The following SMYD3 variants were observed in gnomAD, a reference collection of about 807,000 sequenced individuals.
SMYD3 encodes the protein histone-lysine N-methyltransferase SMYD3.
In SMYD3, 36 loss-of-function variants were observed where a neutral mutation model predicts 57.7. The observed-to-expected ratio is 0.62, with a 90% CI of 0.48 to 0.82. The LOEUF (loss-of-function observed/expected upper bound fraction) is 0.82. Ranked by LOEUF, SMYD3 falls within the 40% of genes least tolerant of loss-of-function variation. The pLI is 0.00. For missense variants in SMYD3, 515 were observed against 538.8 expected (o/e 0.96, Z 0.44); for synonymous variants, 211 against 195.0 (o/e 1.08, Z -0.68).
intron 5 of SMYD3, among the ~76,000 whole-genome samples, chr1:246,003,336 TGGAGC>T (rs1411635460): frequency 6.6e-6 from 1 of 152,212 alleles, no homozygotes; most frequent in East Asian, 1.9e-4. Context: ...CGCCATCTGG[TGGAGC>T]GGTGGGACTT....
intron 5 of SMYD3, among the ~76,000 whole-genome samples, chr1:246,241,725 A>C (rs2063614579): frequency 7.0e-6 from 1 of 143,112 alleles, no homozygotes; most frequent in Admixed American, 7.3e-5. Flanking sequence ...TCTGGTCCTG[A>C]ACTTTTTTGG....
chr1:245,951,831 A>G (rs565061116), intron 5 of SMYD3, among the ~76,000 whole-genome samples: 1 of 152,262 alleles, frequency 6.6e-6, no homozygotes, highest in South Asian at 2.1e-4. Flanking sequence ...AGATTTAATT[A>G]GTTATTTCTA....
At chr1:246,502,678 TAGTGGC>T (rs1553357738) in intron 1 of SMYD3, among the ~76,000 whole-genome samples, 1 of 152,134 alleles carries the variant, frequency 6.6e-6, no homozygotes, top group Non-Finnish European at 1.5e-5. Context: ...CTAGAAGAAA[TAGTGGC>T]AAGAAGACCT....
intron 10 of SMYD3, among the ~76,000 whole-genome samples, chr1:245,804,779 C>A (rs1453829872): frequency 2.0e-5 from 3 of 152,162 alleles, no homozygotes; most frequent in Non-Finnish European, 1.5e-5. Context: ...CAACAAGGAA[C>A]CATCTTGAAG....
chr1:245,815,308 G>A (rs962019103), intron 10 of SMYD3, among the ~76,000 whole-genome samples: 2 of 152,224 alleles, frequency 1.3e-5, no homozygotes, highest in African/African-American at 4.8e-5. Context: ...AACTCAACAC[G>A]AAGGAGTCCT....
At chr1:246,230,714 T>C (rs143394175) in intron 5 of SMYD3, among the ~76,000 whole-genome samples, 82 of 152,368 alleles carry the variant, frequency 5.4e-4, no homozygotes, top group African/African-American at 1.8e-3. Flanking sequence ...AACTGTCCTA[T>C]AGAACTTTCT....
chr1:246,269,348 T>C (rs566914307), intron 5 of SMYD3, among the ~76,000 whole-genome samples: 1 of 152,276 alleles, frequency 6.6e-6, no homozygotes, highest in East Asian at 1.9e-4. Context: ...CTTCTTAACA[T>C]TATGACACTG....
Position 246,075,465 on chromosome 1 carries a change from AAGG to A in SMYD3, c.532-145531_532-145529del, listed in dbSNP as rs994702678. On this transcript the variant is annotated intron_variant, in intron 5 of 11. Transcript: ENST00000490107. ...AAGAAACAGAAATGTGCTGAAAGAG[AAGG>A]AGAAGAGAAGCTGCCAATCTAGAAT... Among the ~76,000 whole-genome samples the A allele has an allele frequency of 3.7e-4, 56 of 152,318 alleles. 1 individual carries two copies. The highest frequency in any genetic ancestry group is 1.3e-3 in the African/African-American group (53 of 41,572).
At chr1:245,970,348 C>T (rs545466718) in intron 5 of SMYD3, among the ~76,000 whole-genome samples, 2 of 152,192 alleles carry the variant, frequency 1.3e-5, no homozygotes, top group African/African-American at 2.4e-5. Flanking sequence ...GGCCTAAAAC[C>T]ATAAAAACCC....
intron 10 of SMYD3, among the ~76,000 whole-genome samples, chr1:245,783,853 T>C (rs2046931494): frequency 6.6e-6 from 1 of 152,202 alleles, no homozygotes; most frequent in South Asian, 2.1e-4. Flanking sequence ...ATGTACAGTA[T>C]CTGTATGCTA....
intron 8 of SMYD3, among the ~76,000 whole-genome samples, chr1:245,873,582 C>A (rs1380978976): frequency 6.6e-6 from 1 of 152,224 alleles, no homozygotes; most frequent in Non-Finnish European, 1.5e-5. Flanking sequence ...CTTTAATCGG[C>A]CACATCTCCA....
At chr1:246,192,384 TTGTTAAA>T (rs2062752961) in intron 5 of SMYD3, among the ~76,000 whole-genome samples, 1 of 152,218 alleles carries the variant, frequency 6.6e-6, no homozygotes, top group South Asian at 2.1e-4. Context: ...AGCAGGGCAG[TTGTTAAA>T]TGTTAAAGCT....
chr1:246,101,071 G>GTTT (rs754724096), intron 5 of SMYD3, among the ~76,000 whole-genome samples: 7 of 54,072 alleles, frequency 1.3e-4, no homozygotes, highest in East Asian at 5.4e-4. Flanking sequence ...GGGGTTTTTT[G>GTTT]TTTTTTTTTT....
chr1:246,027,922 C>T (rs1177417197), intron 5 of SMYD3, among the ~76,000 whole-genome samples: 4 of 152,190 alleles, frequency 2.6e-5, no homozygotes, highest in African/African-American at 9.6e-5. Flanking sequence ...ATTAGGAACA[C>T]TCATACTTCA....
intron 1 of SMYD3, among the ~76,000 whole-genome samples, chr1:246,391,549 A>G (rs2066573299): frequency 6.6e-6 from 1 of 151,968 alleles, no homozygotes; most frequent in South Asian, 2.1e-4. Flanking sequence ...TCTATAGGAG[A>G]TATATACTAG....
chr1:246,495,547 GACAAAC>G (rs1203038737), intron 1 of SMYD3, among the ~76,000 whole-genome samples: 1 of 152,062 alleles, frequency 6.6e-6, no homozygotes, highest in Non-Finnish European at 1.5e-5. Context: ...GCTGTTCAAA[GACAAAC>G]ACAAAGAGGG....
At chr1:246,268,676 C>T (rs770604374) in intron 5 of SMYD3, among the ~76,000 whole-genome samples, 1 of 151,630 alleles carries the variant, frequency 6.6e-6, no homozygotes, top group Non-Finnish European at 1.5e-5. Flanking sequence ...TGCACACCAG[C>T]CTGAGTGACA....
chr1:245,895,741 C>A (rs13376346), intron 8 of SMYD3, among the ~76,000 whole-genome samples: 4,384 of 152,324 alleles, frequency 0.029, 220 homozygotes, highest in African/African-American at 0.099. Context: ...GATGTACAGC[C>A]CACATGGGAA....
intron 5 of SMYD3, among the ~76,000 whole-genome samples, chr1:245,949,809 CA>C (rs538555005): frequency 6.9e-6 from 1 of 145,134 alleles, no homozygotes; most frequent in African/African-American, 2.5e-5. Flanking sequence ...ACCCTGTCTC[CA>C]AAAAAAAGAA....
Sources: gnomAD v4.1 joint callset for allele counts (sites outside exome capture counted in the v4.1 genomes callset) on GRCh38, gnomAD v4.1.1 for gene constraint, MANE v1.5 for transcripts, NCBI Gene and HGNC (gene_info 2026-07-23, HGNC 2026-07-21) for gene names.